The following NUP214 variants were observed in gnomAD, a reference collection of about 807,000 sequenced individuals.
NUP214 encodes the protein nuclear pore complex protein Nup214.
Under a neutral mutation model 196.2 loss-of-function variants are expected in NUP214, and 79 were observed. The ratio of observed to expected loss-of-function variants is 0.40; its 90% CI spans 0.34 to 0.49. The LOEUF (loss-of-function observed/expected upper bound fraction) is 0.49, where lower values mean the gene tolerates loss of function less well. NUP214 is among the 20% of genes least tolerant of loss of function. NUP214 has a pLI of 0.58. For missense variants in NUP214, 2,468 were observed against 2,539.0 expected (o/e 0.97, Z 0.60); for synonymous variants, 1,020 against 990.5 (o/e 1.03, Z -0.56).
At chr9:131,229,780 C>G in intron 33 of NUP214, 1 of 518,446 alleles carries the variant, frequency 1.9e-6, no homozygotes. Flanking sequence ...AGAGCAGATC[C>G]CTTGGCCACC....
chr9:131,185,363 G>A (rs1564199537), intron 24 of NUP214, among the ~76,000 whole-genome samples: 1 of 152,116 alleles, frequency 6.6e-6, no homozygotes, highest in African/African-American at 2.4e-5. Context: ...TGCCTCTGTC[G>A]CTCATTTCTG....
At chr9:131,190,527 T>C (rs1330007943) in intron 26 of NUP214, 2 of 674,172 alleles carry the variant, frequency 3.0e-6, no homozygotes, top group East Asian at 5.6e-5. Context: ...TAGGAAAACT[T>C]CCCTGAAAGG....
chr9:131,194,554 T>C (rs372047104), intron 27 of NUP214, among the ~76,000 whole-genome samples: 3 of 152,176 alleles, frequency 2.0e-5, no homozygotes, highest in African/African-American at 7.2e-5. Flanking sequence ...CAGTGAATAA[T>C]CTGTTCTGAT....
In NUP214 at chr9:131,144,715, C is replaced by T; in HGVS notation, c.1730C>T (p.Pro577Leu). The change falls in exon 12 of 36, where the codon CCA (proline) becomes CTA (leucine). Residue 577 changes from proline to leucine, a missense_variant. This residue lies in a region of NUP214 where 1,801 missense variants were observed against 1,779.4 expected (regional missense o/e 1.01). Transcript: ENST00000359428. Reference sequence around the variant, plus strand: ...AATATAGCAATGAAGCCCTCCTTCCCACCCTCAACCTCTGCTGTCAAAGTC... The same window carrying T: ...AATATAGCAATGAAGCCCTCCTTCCTACCCTCAACCTCTGCTGTCAAAGTC... ...APNIAMKPSF[P>L]PSTSAVKVNL... 2 of 1,612,110 alleles carry T rather than the reference C, an allele frequency of 1.2e-6. No individual in the cohort carries two copies. The highest frequency in any genetic ancestry group is 1.7e-6 in the Non-Finnish European group (2 of 1,179,078).
intron 21 of NUP214, among the ~76,000 whole-genome samples, chr9:131,166,212 C>T (rs1297871053): frequency 6.6e-6 from 1 of 152,212 alleles, no homozygotes; most frequent in African/African-American, 2.4e-5. Flanking sequence ...TCTTTGAACA[C>T]ATGCCTTATA....
chr9:131,204,470 T>TTAACGC (rs1834025581), intron 30 of NUP214, among the ~76,000 whole-genome samples: 1 of 152,122 alleles, frequency 6.6e-6, no homozygotes, highest in South Asian at 2.1e-4. Context: ...TCAGAAGCAC[T>TTAACGC]TAACGCTGCC....
At chr9:131,137,043 C>T (rs182400378) in intron 9 of NUP214, among the ~76,000 whole-genome samples, 20 of 152,334 alleles carry the variant, frequency 1.3e-4, no homozygotes, top group African/African-American at 4.6e-4. Context: ...GGCCATGGCT[C>T]TCATTGTCTA....
chr9:131,179,845 T>G (rs1314861568), intron 24 of NUP214, among the ~76,000 whole-genome samples: 1 of 152,164 alleles, frequency 6.6e-6, no homozygotes, highest in African/African-American at 2.4e-5. Flanking sequence ...ACCAAGATGG[T>G]ATTTGTGGTT....
chr9:131,187,409 CAG>C, intron 25 of NUP214, 45 bp downstream of exon 25: 1 of 1,109,922 alleles, frequency 9.0e-7, no homozygotes, highest in Non-Finnish European at 1.3e-6. Flanking sequence ...TTTTTTGAGA[CAG>C]AGTCTTACTC....
At chr9:131,184,427 G>A (rs947786560) in intron 24 of NUP214, among the ~76,000 whole-genome samples, 2 of 149,786 alleles carry the variant, frequency 1.3e-5, no homozygotes, top group South Asian at 2.1e-4. Context: ...TCTGTCTCCC[G>A]GGTTCAAGCG....
intron 30 of NUP214, among the ~76,000 whole-genome samples, chr9:131,213,596 A>G (rs538707437): frequency 6.6e-6 from 1 of 152,220 alleles, no homozygotes; most frequent in Admixed American, 6.5e-5. Flanking sequence ...TCAGCTAAGC[A>G]GTCAAATACC....
chr9:131,197,961 T>C lies in NUP214; in HGVS notation c.4467T>C (p.Ala1489=). Residue 1489 remains alanine, a synonymous_variant, in exon 29 of 36, where the codon GCT becomes GCC. Transcript: ENST00000359428. ...SATTPSLPMS[A]GRSTEEATSS... Reference sequence around the variant, plus strand: ...CTACCCCCTCCCTGCCTATGTCCGCTGGCAGAAGCACAGAAGAGGCCACTT... The same window carrying C: ...CTACCCCCTCCCTGCCTATGTCCGCCGGCAGAAGCACAGAAGAGGCCACTT... The C allele has an allele frequency of 6.2e-7, 1 of 1,614,196 alleles. No individual in the cohort carries two copies. Among genetic ancestry groups the C allele is most frequent in the Non-Finnish European group, 8.5e-7 (1 of 1,180,026 alleles).
chr9:131,197,296 A>G lies in NUP214; in HGVS notation c.3802A>G (p.Ile1268Val). The G allele has an allele frequency of 6.2e-7, 1 of 1,614,224 alleles. No homozygotes were observed. The highest frequency in any genetic ancestry group is 1.1e-5 in the South Asian group (1 of 91,086). The change falls in exon 29 of 36, where the codon ATT becomes GTT. Residue 1268 changes from isoleucine to valine, a missense_variant. Transcript: ENST00000359428. ...GGGAAGCAAACCTTCTTATGAGGCC[A>G]TTCCTGAAAGCTCACCTCCCTCAGG... ...GGGSKPSYEA[I>V]PESSPPSGIT...
intron 30 of NUP214, among the ~76,000 whole-genome samples, chr9:131,208,992 G>T (rs984015159): frequency 6.6e-6 from 1 of 152,126 alleles, no homozygotes; most frequent in Admixed American, 6.5e-5. Flanking sequence ...CAGCCTGGGC[G>T]ACAGAGTGAG....
intron 19 of NUP214, among the ~76,000 whole-genome samples, chr9:131,163,653 T>C (rs772128580): frequency 6.6e-6 from 1 of 152,188 alleles, no homozygotes; most frequent in Non-Finnish European, 1.5e-5. Flanking sequence ...CTTTTTCTAC[T>C]GAGGCACCAT....
Position 131,146,377 on chromosome 9 carries a change from C to A in NUP214, c.1945+73C>A. On this transcript the variant is annotated intron_variant, in intron 13 of 35. Coordinates refer to ENST00000359428, the MANE Select transcript of NUP214 (RefSeq NM_005085.4). The surrounding 1 kb of genome is among the most constrained non-coding windows in gnomAD (Gnocchi z 4.6). ...ATTAACGGTTTTAAGTGTTAAGAGT[C>A]GTAGCTAACATAGTTGGACAAGGTT... 2 of 1,432,690 alleles carry A rather than the reference C, an allele frequency of 1.4e-6. No homozygotes were observed. The highest frequency in any genetic ancestry group is 2.4e-5 in the South Asian group (2 of 82,786). The allele number at this position is 1,432,690 out of a possible 1,614,324, so 88.7% of individuals were successfully genotyped here. A position where few individuals can be genotyped will look rare whatever the true frequency, so the allele number is the denominator to read the frequency against.
At chr9:131,170,093 T>C (rs1288517099) in intron 21 of NUP214, among the ~76,000 whole-genome samples, 1 of 152,158 alleles carries the variant, frequency 6.6e-6, no homozygotes, top group Non-Finnish European at 1.5e-5. Context: ...GTCACGGTTA[T>C]ACAACATTAG....
intron 9 of NUP214, among the ~76,000 whole-genome samples, 189 bp from the exon 10 acceptor site, chr9:131,139,092 G>T (rs1386934749): frequency 6.6e-6 from 1 of 152,134 alleles, no homozygotes; most frequent in South Asian, 2.1e-4. Flanking sequence ...ATTTGCTGGG[G>T]TACTTCTGGC....
In NUP214 at chr9:131,134,981, C is replaced by CT; in HGVS notation, c.916dup (p.Tyr306LeufsTer6). 9 of 1,612,686 alleles carry CT rather than the reference C, an allele frequency of 5.6e-6. No homozygotes were observed. Among genetic ancestry groups the CT allele is most frequent in the Non-Finnish European group, 7.6e-6 (9 of 1,178,740 alleles). ...GCTGCACGGAGAGACAGCATCATTA[C>CT]TACCTCAGTTACATTGAGGAATGGT... On this transcript the variant is annotated frameshift_variant, in exon 8 of 36. Coordinates refer to ENST00000359428, the MANE Select transcript of NUP214 (RefSeq NM_005085.4). LOFTEE classifies it high-confidence loss of function.
Sources: gnomAD v4.1 joint callset for allele counts (sites outside exome capture counted in the v4.1 genomes callset) on GRCh38, gnomAD v4.1.1 for gene constraint, gnomAD v4.1.1 regional missense constraint, Gnocchi (gnomAD v3.1) non-coding constraint, MANE v1.5 for transcripts, NCBI Gene and HGNC (gene_info 2026-07-23, HGNC 2026-07-21) for gene names.